The following ERBB4 variants were observed in gnomAD, a reference collection of about 807,000 sequenced individuals.
The protein encoded by ERBB4 is receptor tyrosine-protein kinase erbB-4.
A neutral mutation model predicts 158.0 loss-of-function variants in ERBB4; 42 were observed. The observed-to-expected ratio is 0.27, with a 90% confidence interval of 0.21 to 0.34. The LOEUF (loss-of-function observed/expected upper bound fraction) is 0.34. ERBB4 is among the 10% of genes least tolerant of loss of function. The probability of loss-of-function intolerance (pLI) is 1.00; values close to 1 mark genes in which losing one functional copy is unlikely to be tolerated. For synonymous variants in ERBB4, 583 were observed against 558.7 expected, an observed-to-expected ratio of 1.04 and a Z score of -0.61; for missense variants, 1,333 against 1,624.1, an observed-to-expected ratio of 0.82 and a Z score of 3.08.
At chr2:211,560,870 C>CT (rs1287882346) in intron 20 of ERBB4, among the ~76,000 whole-genome samples, 2 of 151,964 alleles carry the variant, frequency 1.3e-5, no homozygotes, top group Non-Finnish European at 2.9e-5. Context: ...TGTCAAATTT[C>CT]TTTTTTCTAT....
intron 1 of ERBB4, among the ~76,000 whole-genome samples, chr2:212,378,253 G>A (rs2090391173): frequency 6.6e-6 from 1 of 151,858 alleles, no homozygotes; most frequent in Non-Finnish European, 1.5e-5. Context: ...AGACAGAAGA[G>A]CTGCTTTGAA....
chr2:211,715,073 A>G (rs1175824534), intron 7 of ERBB4, among the ~76,000 whole-genome samples: 1 of 152,244 alleles, frequency 6.6e-6, no homozygotes, highest in Non-Finnish European at 1.5e-5. Flanking sequence ...CACAGAGACA[A>G]GAGAAAATCT....
intron 3 of ERBB4, among the ~76,000 whole-genome samples, chr2:211,892,578 A>C (rs1269645854): frequency 6.9e-6 from 1 of 144,242 alleles, no homozygotes; most frequent in Admixed American, 6.8e-5. Flanking sequence ...CAGGAGAAGG[A>C]AATAAAGGGT....
At chr2:212,265,262 C>T (rs570381358) in intron 1 of ERBB4, among the ~76,000 whole-genome samples, 2 of 151,966 alleles carry the variant, frequency 1.3e-5, no homozygotes, top group Admixed American at 1.3e-4. Flanking sequence ...ACACATGACA[C>T]CCTAGGAGAC....
intron 2 of ERBB4, among the ~76,000 whole-genome samples, chr2:212,092,293 A>G (rs1393013879): frequency 1.3e-5 from 2 of 152,180 alleles, no homozygotes; most frequent in Non-Finnish European, 2.9e-5. Flanking sequence ...TACACATCAG[A>G]TATTACACTG....
At chr2:211,684,296 A>G (rs1056977466) in intron 12 of ERBB4, among the ~76,000 whole-genome samples, 7 of 152,128 alleles carry the variant, frequency 4.6e-5, no homozygotes, top group Non-Finnish European at 1.0e-4. Context: ...TACTAAAAAT[A>G]CAAAATTAGC....
At chr2:211,772,577 G>A (rs1287757555) in intron 4 of ERBB4, among the ~76,000 whole-genome samples, 3 of 151,512 alleles carry the variant, frequency 2.0e-5, no homozygotes, top group Non-Finnish European at 4.4e-5. Context: ...GGACATGGAA[G>A]TTAATTTTGG....
chr2:211,785,088 A>G (rs1354639431), intron 4 of ERBB4, among the ~76,000 whole-genome samples: 2 of 147,588 alleles, frequency 1.4e-5, no homozygotes, highest in Middle Eastern at 3.2e-3. Flanking sequence ...CTTTTGATGC[A>G]CAGCCTTTTT....
At chr2:211,898,027 G>A (rs1434344363) in intron 3 of ERBB4, among the ~76,000 whole-genome samples, 1 of 151,926 alleles carries the variant, frequency 6.6e-6, no homozygotes, top group Non-Finnish European at 1.5e-5. Context: ...GCCTTCCACA[G>A]TGCTGGGGTT....
intron 4 of ERBB4, among the ~76,000 whole-genome samples, chr2:211,764,486 ATATAT>A (rs2075499530): frequency 6.6e-6 from 1 of 152,214 alleles, no homozygotes; most frequent in Non-Finnish European, 1.5e-5. Context: ...TATAGCTTAA[ATATAT>A]TACAATTTTA....
At chr2:211,746,754 C>T (rs1004541638) in intron 5 of ERBB4, among the ~76,000 whole-genome samples, 2 of 147,900 alleles carry the variant, frequency 1.4e-5, no homozygotes, top group African/African-American at 5.0e-5. Flanking sequence ...TGCTTGAACC[C>T]GGGAGGCGGA....
At chr2:212,219,975 A>G (rs1431936546) in intron 1 of ERBB4, among the ~76,000 whole-genome samples, 4 of 140,006 alleles carry the variant, frequency 2.9e-5, no homozygotes, top group Non-Finnish European at 6.3e-5. Flanking sequence ...AAAAAGTGGG[A>G]TTTTTCATCA....
At chr2:211,643,079 G>T (rs2070657926) in intron 16 of ERBB4, among the ~76,000 whole-genome samples, 1 of 152,024 alleles carries the variant, frequency 6.6e-6, no homozygotes, top group African/African-American at 2.4e-5. Flanking sequence ...CAAGTCCCAG[G>T]CTGACTGAAG....
At position 211,383,552 on chromosome 2, in the gene ERBB4, AAG is replaced by A; in HGVS notation, c.*61_*62del. 1 of 1,394,158 alleles carries A rather than the reference AAG, an allele frequency of 7.2e-7. No homozygotes were observed. The highest frequency in any genetic ancestry group is 1.0e-6 in the Non-Finnish European group (1 of 982,828). 86.4% of individuals were successfully genotyped at this position (1,394,158 alleles called of 1,614,324 possible). ...GGGGTAGAAGGAAGACCACCAGAGA[AAG>A]AGAGGGGGGTGGGGAAATTGGAGCA... is the stretch of plus-strand genomic sequence containing the variant. On this transcript the variant is annotated 3_prime_UTR_variant, in exon 28 of 28. Transcript: ENST00000342788.
chr2:211,711,278 A>G (rs1559445486), intron 9 of ERBB4, among the ~76,000 whole-genome samples: 2 of 152,172 alleles, frequency 1.3e-5, no homozygotes, highest in Non-Finnish European at 1.5e-5. Flanking sequence ...ATGATCTGAT[A>G]CATGTTCAGA....
intron 25 of ERBB4, among the ~76,000 whole-genome samples, chr2:211,406,233 C>T (rs1229295334): frequency 6.6e-6 from 1 of 152,162 alleles, no homozygotes. Context: ...TCATAAATTT[C>T]TTCCACAAAT....
At chr2:212,428,683 A>G (rs573602119) in intron 1 of ERBB4, among the ~76,000 whole-genome samples, 87 of 152,324 alleles carry the variant, frequency 5.7e-4, no homozygotes, top group Admixed American at 4.1e-3. Flanking sequence ...TTATCACAAT[A>G]AAATAAAATT....
intron 1 of ERBB4, among the ~76,000 whole-genome samples, chr2:212,507,629 A>G (rs74267733): frequency 0.18 from 26,976 of 152,142 alleles, 2,490 homozygotes; most frequent in African/African-American, 0.19. Context: ...GGAAACAGCT[A>G]CAGATGAGGT....
intron 1 of ERBB4, among the ~76,000 whole-genome samples, chr2:212,475,833 A>T (rs1689359561): frequency 6.6e-6 from 1 of 152,056 alleles, no homozygotes. Context: ...TCTATATCCT[A>T]AACAGTTTTG....
Sources: gnomAD v4.1 joint callset for allele counts (sites outside exome capture counted in the v4.1 genomes callset) on GRCh38, gnomAD v4.1.1 for gene constraint, MANE v1.5 for transcripts, NCBI Gene and HGNC (gene_info 2026-07-23, HGNC 2026-07-21) for gene names.